Variants in PCBD2 observed in about 807,000 individuals in gnomAD.
PCBD2 encodes the protein pterin-4-alpha-carbinolamine dehydratase 2.
PCBD2 carries 12 observed loss-of-function variants against 16.4 expected under a neutral mutation model. The ratio of observed to expected loss-of-function variants is 0.73; its 90% CI spans 0.47 to 1.19. The LOEUF is 1.19. Among genes scored for constraint, PCBD2 ranks in the 50% most tolerant of loss-of-function variants. The probability of loss-of-function intolerance (pLI) is 0.00; values close to 1 mark genes in which losing one functional copy is unlikely to be tolerated. For synonymous variants in PCBD2, 58 were observed against 61.8 expected, an observed-to-expected ratio of 0.94 and a Z score of 0.29; for missense variants, 138 against 156.8, an observed-to-expected ratio of 0.88 and a Z score of 0.64.
rs949312957 is a variant in PCBD2, at chr5:134,941,933, A to G, written c.217-17107A>G. On this transcript the variant is annotated intron_variant, in intron 2 of 3. Transcript: ENST00000254908. ...GGAGATTGAGACCATCCTGGCTAACACGGTGAAAGCCCGTCTCTACTAAAA... is the reference window on the plus strand; with the variant it reads ...GGAGATTGAGACCATCCTGGCTAACGCGGTGAAAGCCCGTCTCTACTAAAA... Among the ~76,000 whole-genome samples, 12 of 151,592 alleles carry G rather than the reference A, an allele frequency of 7.9e-5. No homozygotes were observed. In the South Asian group the frequency reaches 1.7e-3, roughly 21 times the overall value.
chr5:134,958,243 A>C (rs1323811493), intron 2 of PCBD2, among the ~76,000 whole-genome samples: 1 of 152,194 alleles, frequency 6.6e-6, no homozygotes, highest in East Asian at 1.9e-4. Context: ...GAAAACAAAC[A>C]AAAAAATGAG....
At chr5:134,927,639 A>T in intron 2 of PCBD2, 2 of 398,226 alleles carry the variant, frequency 5.0e-6, no homozygotes, top group Non-Finnish European at 8.9e-6. Flanking sequence ...TCATCGGGTG[A>T]TGATAGCCAG....
chr5:134,956,392 A>G (rs1371483803), intron 2 of PCBD2, among the ~76,000 whole-genome samples: 1 of 152,194 alleles, frequency 6.6e-6, no homozygotes. Context: ...GTGATGGAAT[A>G]GATTTTGCTA....
chr5:134,933,729 C>A (rs529028740), intron 2 of PCBD2, among the ~76,000 whole-genome samples: 1 of 152,098 alleles, frequency 6.6e-6, no homozygotes, highest in South Asian at 2.1e-4. Context: ...CTGGGTAGTT[C>A]TTGCTAAATA....
At chr5:134,927,863 G>A (rs1289226740) in intron 2 of PCBD2, 9 of 396,384 alleles carry the variant, frequency 2.3e-5, no homozygotes, top group Non-Finnish European at 3.1e-5. Context: ...TTAGGGGGTC[G>A]GAGGAGAAGG....
chr5:134,956,122 A>G (rs956641076), intron 2 of PCBD2, among the ~76,000 whole-genome samples: 1 of 152,206 alleles, frequency 6.6e-6, no homozygotes, highest in Non-Finnish European at 1.5e-5. Context: ...TTTTGCTTCC[A>G]GAGCAGATTA....
chr5:134,928,336 A>G (rs1751046014), intron 2 of PCBD2: 1 of 382,130 alleles, frequency 2.6e-6, no homozygotes, highest in African/African-American at 2.1e-5. Flanking sequence ...TTTGGTAAAT[A>G]TGATTATCAT....
intron 2 of PCBD2, among the ~76,000 whole-genome samples, chr5:134,940,167 C>T (rs1183329656): frequency 6.6e-6 from 1 of 152,168 alleles, no homozygotes; most frequent in African/African-American, 2.4e-5. Flanking sequence ...GAGTAATTTT[C>T]CATTATACTC....
chr5:134,958,756 C>G (rs996181170), intron 2 of PCBD2, among the ~76,000 whole-genome samples: 6 of 152,186 alleles, frequency 3.9e-5, no homozygotes, highest in Non-Finnish European at 7.3e-5. Context: ...TTTGTAGAGT[C>G]TTGTCCTGAG....
intron 2 of PCBD2, among the ~76,000 whole-genome samples, chr5:134,913,628 T>C (rs1245794115): frequency 6.6e-6 from 1 of 152,082 alleles, no homozygotes; most frequent in Admixed American, 6.5e-5. Context: ...GTGGCTGTGT[T>C]CTAAAAAATC....
At position 134,951,755 on chromosome 5, in the gene PCBD2, G is replaced by A. The variant is rs182363509; in HGVS notation, c.217-7285G>A. Among the ~76,000 whole-genome samples the A allele has an allele frequency of 9.9e-5, 15 of 152,170 alleles. No individual in the cohort carries two copies. The East Asian group carries it at 2.9e-3, about 29-fold the overall frequency. ...ATGATTGAGATTGAGCAGTTTTTAT[G>A]TTTCAGAACCATTTGAATTTCTTTT... is the stretch of plus-strand genomic sequence containing the variant. On this transcript the variant is annotated intron_variant, in intron 2 of 3. Coordinates refer to ENST00000254908, the MANE Select transcript of PCBD2 (RefSeq NM_032151.5).
chr5:134,939,743 T>C (rs1751202545), intron 2 of PCBD2, among the ~76,000 whole-genome samples: 1 of 152,112 alleles, frequency 6.6e-6, no homozygotes, highest in Admixed American at 6.5e-5. Flanking sequence ...AACTGAAAGA[T>C]AGATTGGACA....
intron 2 of PCBD2, among the ~76,000 whole-genome samples, chr5:134,953,989 T>G (rs543478630): frequency 6.6e-6 from 1 of 152,300 alleles, no homozygotes; most frequent in African/African-American, 2.4e-5. Flanking sequence ...AGAGTCTTGC[T>G]CTGTCACCCA....
intron 1 of PCBD2, among the ~76,000 whole-genome samples, chr5:134,906,573 C>T (rs956532429): frequency 6.6e-6 from 1 of 152,150 alleles, no homozygotes; most frequent in Admixed American, 6.5e-5. Flanking sequence ...CCTACTGTCA[C>T]CTAGGCGTGT....
chr5:134,906,100 C>G (rs1374436998), intron 1 of PCBD2, among the ~76,000 whole-genome samples: 4 of 151,862 alleles, frequency 2.6e-5, no homozygotes, highest in African/African-American at 9.7e-5. Flanking sequence ...TCTCGAACTC[C>G]TGACCTCAGG....
rs1383062251 is a variant in PCBD2 at position 134,961,643 on chromosome 5, C to G, written c.*962C>G. Among the ~76,000 whole-genome samples the G allele has an allele frequency of 6.6e-6, 1 of 152,072 alleles. No individual in the cohort carries two copies. The highest frequency in any genetic ancestry group is 6.5e-5 in the Admixed American group (1 of 15,268). On this transcript the variant is annotated 3_prime_UTR_variant, in exon 4 of 4. Transcript: ENST00000254908. ...GGGGAGTATTCACACATTTTATAAC[C>G]CAGAAATTCAAGCAATTCTGGTGAC...
chr5:134,943,043 T>C (rs1379589910), intron 2 of PCBD2, among the ~76,000 whole-genome samples: 1 of 152,260 alleles, frequency 6.6e-6, no homozygotes, highest in Non-Finnish European at 1.5e-5. Flanking sequence ...ACAAGCATCC[T>C]ATGTCTCCTT....
intron 2 of PCBD2, among the ~76,000 whole-genome samples, chr5:134,948,432 C>T (rs1751323245): frequency 6.6e-6 from 1 of 152,042 alleles, no homozygotes; most frequent in African/African-American, 2.4e-5. Flanking sequence ...TTGGTAAAAT[C>T]GTGTGTAGAG....
At chr5:134,905,840 A>G (rs990470450) in intron 1 of PCBD2, 4 of 152,152 alleles carry the variant, frequency 2.6e-5, no homozygotes, top group South Asian at 2.1e-4. Context: ...TTTAAGTTGC[A>G]TTTTAACCGC....
Sources: gnomAD v4.1 joint callset for allele counts (sites outside exome capture counted in the v4.1 genomes callset) on GRCh38, gnomAD v4.1.1 for gene constraint, MANE v1.5 for transcripts, NCBI Gene and HGNC (gene_info 2026-07-23, HGNC 2026-07-21) for gene names.